The following DNAH17 variants were observed in gnomAD, a reference collection of about 807,000 sequenced individuals.
DNAH17 encodes dynein axonemal heavy chain 17, also known as axonemal beta dynein heavy chain 17.
DNAH17 carries 376 observed loss-of-function variants against 485.6 expected under a neutral mutation model. The observed-to-expected ratio is 0.77, with a 90% CI of 0.71 to 0.84. The LOEUF is 0.84. DNAH17 is among the 40% of genes least tolerant of loss of function. DNAH17 has a pLI of 0.00. For missense variants in DNAH17, 6,370 were observed against 5,839.3 expected, an observed-to-expected ratio of 1.09 and a Z score of -2.96; for synonymous variants, 3,031 against 2,405.9, an observed-to-expected ratio of 1.26 and a Z score of -7.60.
Position 78,463,252 on chromosome 17 carries a change from A to G in DNAH17, c.8941-175T>C, listed in dbSNP as rs73380056. Among the ~76,000 whole-genome samples, 6,806 of 152,268 alleles carry G rather than the reference A, an allele frequency of 0.045. 517 individuals carry two copies. Among genetic ancestry groups the G allele is most frequent in the African/African-American group, 0.15 (6,407 of 41,538 alleles). On this transcript the variant is annotated intron_variant, in intron 56 of 80. Coordinates refer to ENST00000389840, the MANE Select transcript of DNAH17 (RefSeq NM_173628.4). ...AGCAACAGATCCTGGGGCCCTTGTG[A>G]GCACTGCACCATGGAAGGGTTTAGC...
At position 78,428,386 on chromosome 17, in the gene DNAH17, C is replaced by T. The variant is rs949274023; in HGVS notation, c.12588+139G>A. 1.4e-5 allele frequency: 15 copies of T among 1,089,468 alleles called. No individual in the cohort carries two copies. The Admixed American group carries it at 2.4e-4, about 18-fold the overall frequency. The allele number at this position is 1,089,468 out of a possible 1,614,324, so 67.5% of individuals were successfully genotyped here. A position where few individuals can be genotyped will look rare whatever the true frequency, so the allele number is the denominator to read the frequency against. On this transcript the variant is annotated intron_variant, in intron 77 of 80. Coordinates refer to ENST00000389840, the MANE Select transcript of DNAH17 (RefSeq NM_173628.4). ...GCCTGCGGGCCATACCCCAGTGTTT[C>T]TGATACCCAAGCCCAAGGCTGGGGC...
chr17:78,567,214 A>C, intron 9 of DNAH17, 48 bp from the exon 10 acceptor site: 56 of 1,549,172 alleles, frequency 3.6e-5, no homozygotes, highest in Non-Finnish European at 4.8e-5. Flanking sequence ...AACCCAACTC[A>C]CGGGTCCAGT....
Position 78,486,410 on chromosome 17 carries a change from C to T in DNAH17, c.6915G>A (p.Lys2305=), listed in dbSNP as rs375048616. 2.2e-5 allele frequency: 35 copies of T among 1,613,738 alleles called. No individual in the cohort carries two copies. The highest frequency in any genetic ancestry group is 3.0e-5 in the Non-Finnish European group (35 of 1,179,890). ...TGATCTTCTTGAACCCAAAGCGCAACTTGTCCAGGCACGTGGGCAGGTACT... is the reference window on the plus strand; with the variant it reads ...TGATCTTCTTGAACCCAAAGCGCAATTTGTCCAGGCACGTGGGCAGGTACT... ...FDKYLPTCLD[K]LRFGFKKITP... The change falls in exon 45 of 81, where the codon AAG becomes AAA. Residue 2305 remains lysine (K), a synonymous_variant. Transcript: ENST00000389840.
chr17:78,432,786 G>C (rs769386101), intron 75 of DNAH17, among the ~76,000 whole-genome samples: 6 of 152,132 alleles, frequency 3.9e-5, no homozygotes, highest in African/African-American at 1.4e-4. Flanking sequence ...GCCAGGCCAG[G>C]CTTCCCTCAT....
intron 61 of DNAH17, 156 bp from the exon 62 acceptor site, chr17:78,458,836 C>T (rs1173989918): frequency 3.5e-5 from 35 of 1,006,802 alleles, no homozygotes; most frequent in South Asian, 4.4e-5. Context: ...GGACACCAAG[C>T]GGCTCCCGGC....
At chr17:78,476,550 G>T (rs1051584074) in intron 52 of DNAH17, 22 bp downstream of exon 52, 1 of 1,599,856 alleles carries the variant, frequency 6.3e-7, no homozygotes, top group Non-Finnish European at 8.5e-7. Flanking sequence ...GCTCGGCAGA[G>T]GGACTGGGCA....
intron 58 of DNAH17, 64 bp downstream of exon 58, chr17:78,461,480 A>C: frequency 7.0e-7 from 1 of 1,420,198 alleles, no homozygotes; most frequent in South Asian, 1.5e-5. Flanking sequence ...CCACACGTGG[A>C]AGCCCAGGAG....
At position 78,480,765 on chromosome 17, in the gene DNAH17, C is replaced by T. The variant is rs377049490; in HGVS notation, c.7671G>A (p.Thr2557=). Residue 2557 remains threonine, a synonymous_variant, in exon 49 of 81, where the codon ACG becomes ACA. Transcript: ENST00000389840. ...ACTGACAATTATGGATATCTTTTAA[C>T]GTCAGCTTATGTCTGTCATACCTGA... ...HRHWYDRHKL[T]LKDIHNCQYV... The T allele has an allele frequency of 1.3e-5, 21 of 1,613,266 alleles. No individual in the cohort carries two copies. In the African/African-American group the frequency reaches 2.0e-4, roughly 15 times the overall value.
intron 11 of DNAH17, 108 bp from the exon 12 acceptor site, chr17:78,562,088 G>A: frequency 4.5e-6 from 6 of 1,329,444 alleles, no homozygotes; most frequent in Non-Finnish European, 6.0e-6. Flanking sequence ...GAGAGAATGT[G>A]TACCTTGCCA....
intron 29 of DNAH17, 117 bp from the exon 30 acceptor site, chr17:78,506,963 C>G: frequency 7.0e-7 from 1 of 1,427,582 alleles, no homozygotes. Context: ...CTGCTGTTCA[C>G]AGGCCTGGTT....
intron 75 of DNAH17, among the ~76,000 whole-genome samples, chr17:78,430,023 G>A (rs2086619059): frequency 1.3e-5 from 2 of 152,132 alleles, no homozygotes; most frequent in South Asian, 2.1e-4. Flanking sequence ...GCGACCACAC[G>A]CTTCCCACCC....
At chr17:78,549,526 C>T (rs986369377) in intron 16 of DNAH17, among the ~76,000 whole-genome samples, 1 of 152,226 alleles carries the variant, frequency 6.6e-6, no homozygotes, top group Non-Finnish European at 1.5e-5. Context: ...TCATTCCTTC[C>T]TTGGTGCCCA....
At position 78,502,138 on chromosome 17, in the gene DNAH17, C is replaced by G. The variant is rs1428181674; in HGVS notation, c.5191-265G>C. The G allele has an allele frequency of 1.4e-5, 7 of 498,674 alleles. No individual in the cohort carries two copies. The East Asian group carries it at 1.5e-4, about 10-fold the overall frequency. 30.9% of individuals were successfully genotyped at this position (498,674 alleles called of 1,614,324 possible). A position where few individuals can be genotyped will look rare whatever the true frequency, so the allele number is the denominator to read the frequency against. On this transcript the variant is annotated intron_variant, in intron 33 of 80. Transcript: ENST00000389840. The stretch of plus-strand genomic sequence containing the variant: ...GAGGGTGGATGAGAAGCAAAAACAG[C>G]TGACTTTAACGCCATCCAGAGTCTG...
chr17:78,469,036 T>C (rs1598507212), intron 54 of DNAH17, among the ~76,000 whole-genome samples, 153 bp from the exon 55 acceptor site: 1 of 152,254 alleles, frequency 6.6e-6, no homozygotes, highest in African/African-American at 2.4e-5. Flanking sequence ...CAATCTCGGC[T>C]CACTGCAACC....
At chr17:78,447,451 G>A (rs2087357156) in intron 69 of DNAH17, among the ~76,000 whole-genome samples, 1 of 152,166 alleles carries the variant, frequency 6.6e-6, no homozygotes, top group African/African-American at 2.4e-5. Context: ...AGCTAACCTG[G>A]CACCCTCTGT....
rs950048670 is a variant in DNAH17, at chr17:78,512,214, G to A, written c.4114-1708C>T. 1.1e-4 allele frequency among the ~76,000 whole-genome samples: 16 copies of A among 152,344 alleles called. No homozygotes were observed. The East Asian group carries it at 2.1e-3, about 20-fold the overall frequency. Reference sequence around the variant, plus strand: ...GGGAAGCCGTGGGCTAAGCATTGCCGCTGTGCAGGCTTTGGGCCATGCTGC... The same window carrying A: ...GGGAAGCCGTGGGCTAAGCATTGCCACTGTGCAGGCTTTGGGCCATGCTGC... On this transcript the variant is annotated intron_variant, in intron 26 of 80. Transcript: ENST00000389840.
At position 78,453,416 on chromosome 17, in the gene DNAH17, T is replaced by A; in HGVS notation, c.10456A>T (p.Ile3486Phe). The change falls in exon 65 of 81, where the codon ATT (isoleucine) becomes TTT (phenylalanine). Residue 3486 changes from isoleucine to phenylalanine, a missense_variant. By Grantham distance (21) the Ile-to-Phe change is conservative. Coordinates refer to ENST00000389840, the MANE Select transcript of DNAH17 (RefSeq NM_173628.4). ...TCCACGGTTTCGCCGATGTTCTCAA[T>A]GAGCAAGGTGTCCCCTTCCGAGATG... ...QAISEGDTLL[I>F]ENIGETVDPV... The A allele has an allele frequency of 6.2e-7, 1 of 1,613,976 alleles. No homozygotes were observed.
In DNAH17 at chr17:78,484,927, G is replaced by A; in HGVS notation, c.7590C>T (p.Asp2530=). 6.2e-7 allele frequency: 1 copy of A among 1,606,660 alleles called. No individual in the cohort carries two copies. The highest frequency in any genetic ancestry group is 2.2e-5 in the East Asian group (1 of 44,654). The change falls in exon 48 of 81, where the codon GAC becomes GAT. Residue 2530 remains aspartate, a synonymous_variant. Coordinates refer to ENST00000389840, the MANE Select transcript of DNAH17 (RefSeq NM_173628.4). ...FIDDMNMPEV[D]KYGTVAPHTL... ...TGTGCGGGGCCACCGTCCCATACTT[G>A]TCCACCTCGGGCATGTTCATGTCGT...
At chr17:78,433,339 C>A (rs921142332) in intron 75 of DNAH17, among the ~76,000 whole-genome samples, 3 of 152,170 alleles carry the variant, frequency 2.0e-5, no homozygotes, top group Non-Finnish European at 4.4e-5. Context: ...TTACAGAGGG[C>A]CCCCTCCAGC....
Sources: gnomAD v4.1 joint callset for allele counts (sites outside exome capture counted in the v4.1 genomes callset) on GRCh38, gnomAD v4.1.1 for gene constraint, MANE v1.5 for transcripts, NCBI Gene and HGNC (gene_info 2026-07-23, HGNC 2026-07-21) for gene names.